Variants in FAM184A observed in about 807,000 individuals in gnomAD.
FAM184A encodes the protein family with sequence similarity 184 member A.
A neutral mutation model predicts 143.8 loss-of-function variants in FAM184A; 99 were observed. That is an observed-to-expected ratio of 0.69 (90% CI 0.58 to 0.81). The LOEUF (loss-of-function observed/expected upper bound fraction) is 0.81, where lower values mean the gene tolerates loss of function less well. FAM184A is among the 40% of genes least tolerant of loss of function. The pLI, the probability that FAM184A is intolerant of heterozygous loss-of-function variation, is 0.00. For synonymous variants in FAM184A, 427 were observed against 446.4 expected (o/e 0.96, Z 0.55); for missense variants, 1,217 against 1,310.5 (o/e 0.93, Z 1.10).
intron 9 of FAM184A, among the ~76,000 whole-genome samples, chr6:118,994,542 T>C (rs1784480409): frequency 1.3e-5 from 2 of 151,632 alleles, no homozygotes; most frequent in Non-Finnish European, 2.9e-5. Context: ...AAAAATCAGC[T>C]GGGCATGGTT....
At chr6:119,066,380 T>C (rs1309509866) in intron 1 of FAM184A, among the ~76,000 whole-genome samples, 1 of 152,220 alleles carries the variant, frequency 6.6e-6, no homozygotes, top group Non-Finnish European at 1.5e-5. Flanking sequence ...TGATTACAGT[T>C]GCCCATCCAA....
At chr6:118,970,008 A>ATATATATATATTT in intron 14 of FAM184A, among the ~76,000 whole-genome samples, 6 of 19,044 alleles carry the variant, frequency 3.2e-4, no homozygotes, top group African/African-American at 9.3e-4. Flanking sequence ...ATATATATAT[A>ATATATATATATTT]TTTTTTTTTT....
chr6:118,969,993 A>ATAATATATATATATAT (rs1189865476), intron 14 of FAM184A, among the ~76,000 whole-genome samples: 2 of 24,376 alleles, frequency 8.2e-5, no homozygotes, highest in African/African-American at 2.9e-4. Context: ...ATATATATAT[A>ATAATATATATATATAT]ATATATATAT....
At chr6:119,022,019 C>T (rs1785461758) in intron 3 of FAM184A, among the ~76,000 whole-genome samples, 1 of 150,342 alleles carries the variant, frequency 6.7e-6, no homozygotes, top group African/African-American at 2.4e-5. Context: ...AAGGACAACA[C>T]CTCTTGAAAA....
At chr6:119,002,276 G>A (rs559814518) in intron 9 of FAM184A, among the ~76,000 whole-genome samples, 4 of 152,236 alleles carry the variant, frequency 2.6e-5, no homozygotes, top group Admixed American at 2.6e-4. Flanking sequence ...TTAATGACTT[G>A]CTCTGCGGAA....
intron 9 of FAM184A, among the ~76,000 whole-genome samples, chr6:118,990,073 G>T (rs1784328040): frequency 6.6e-6 from 1 of 152,034 alleles, no homozygotes; most frequent in South Asian, 2.1e-4. Context: ...TGATCCGCTG[G>T]CCTCGGCCTC....
intron 1 of FAM184A, among the ~76,000 whole-genome samples, chr6:119,047,693 T>A (rs1315488498): frequency 6.6e-6 from 1 of 152,142 alleles, no homozygotes; most frequent in African/African-American, 2.4e-5. Context: ...ATTGATTCCC[T>A]GAACAGATCA....
rs553214060 is a variant in FAM184A at position 119,078,506 on chromosome 6, G to A, written c.-207C>T. ...GGCGGTCCCGCCGGCCCGAAGCCGC[G>A]GGGACAACGGCGCGGGGCAGATGCC... On this transcript the variant is annotated 5_prime_UTR_variant, in exon 1 of 18. Transcript: ENST00000338891. The surrounding 1 kb of genome is among the most constrained non-coding windows in gnomAD (Gnocchi z 5.5). 8 of 391,864 alleles carry A rather than the reference G, an allele frequency of 2.0e-5. No homozygotes were observed. In the South Asian group the frequency reaches 1.0e-3, roughly 49 times the overall value. The allele number at this position is 391,864 out of a possible 1,614,324, so 24.3% of individuals were successfully genotyped here.
intron 1 of FAM184A, among the ~76,000 whole-genome samples, chr6:119,072,153 C>T (rs867099466): frequency 1.3e-5 from 2 of 152,168 alleles, no homozygotes; most frequent in Non-Finnish European, 2.9e-5. Context: ...TGAGCCAGGG[C>T]ACCCAACCTA....
intron 1 of FAM184A, among the ~76,000 whole-genome samples, chr6:119,076,912 G>A (rs1787893002): frequency 6.6e-6 from 1 of 152,176 alleles, no homozygotes; most frequent in Non-Finnish European, 1.5e-5. Flanking sequence ...TTCTGAGACA[G>A]TGCTGAGATC....
At chr6:118,967,912 C>G (rs1783550540) in intron 14 of FAM184A, among the ~76,000 whole-genome samples, 1 of 152,172 alleles carries the variant, frequency 6.6e-6, no homozygotes, top group South Asian at 2.1e-4. Flanking sequence ...TTCCAGAAAT[C>G]AGTTATACAT....
At chr6:118,965,292 C>T (rs1783468811) in intron 15 of FAM184A, among the ~76,000 whole-genome samples, 1 of 149,420 alleles carries the variant, frequency 6.7e-6, no homozygotes, top group South Asian at 2.1e-4. Flanking sequence ...AAGCAATCCT[C>T]TGGCTTCGGC....
intron 5 of FAM184A, among the ~76,000 whole-genome samples, chr6:119,016,146 G>C (rs1241211639): frequency 6.6e-6 from 1 of 152,096 alleles, no homozygotes; most frequent in Non-Finnish European, 1.5e-5. Flanking sequence ...GAGAACCTTT[G>C]TATCTAGCTC....
intron 1 of FAM184A, among the ~76,000 whole-genome samples, chr6:119,045,475 C>T (rs117157718): frequency 0.022 from 3,274 of 152,164 alleles, 59 homozygotes; most frequent in Non-Finnish European, 0.032. Flanking sequence ...CTGAAAAATG[C>T]ATTTTGGCAT....
chr6:119,076,471 A>G (rs1157285316), intron 1 of FAM184A, among the ~76,000 whole-genome samples: 2 of 152,190 alleles, frequency 1.3e-5, no homozygotes, highest in African/African-American at 4.8e-5. Flanking sequence ...GCTTCCGATC[A>G]ATACACCTAC....
At chr6:118,978,934 A>G (rs767823401) in intron 11 of FAM184A, among the ~76,000 whole-genome samples, 1 of 152,228 alleles carries the variant, frequency 6.6e-6, no homozygotes, top group Non-Finnish European at 1.5e-5. Flanking sequence ...TAGAAATCTC[A>G]AAGAAATATA....
In FAM184A at chr6:119,062,149, G is replaced by C. The variant is rs546466598; in HGVS notation, c.159+15992C>G. 3.3e-5 allele frequency among the ~76,000 whole-genome samples: 5 copies of C among 152,240 alleles called. No individual in the cohort carries two copies. The East Asian group carries it at 9.6e-4, about 29-fold the overall frequency. On this transcript the variant is annotated intron_variant, in intron 1 of 17. Transcript: ENST00000338891. ...AGGGTTAGCCTTCTTACTTACAAAT[G>C]TATAACTTTGAAAAAGTTATTTTAA...
chr6:119,041,474 A>G (rs746822161), intron 1 of FAM184A, among the ~76,000 whole-genome samples: 3 of 152,230 alleles, frequency 2.0e-5, no homozygotes, highest in Non-Finnish European at 4.4e-5. Flanking sequence ...CCAATCATCT[A>G]TCGCCTGAGA....
At chr6:119,132,596 C>A (rs886544690) in intron 1 of FAM184A, among the ~76,000 whole-genome samples, 2 of 152,170 alleles carry the variant, frequency 1.3e-5, no homozygotes, top group Non-Finnish European at 2.9e-5. Context: ...TTTTAAAAAA[C>A]GTACTCATCT....
Sources: gnomAD v4.1 joint callset for allele counts (sites outside exome capture counted in the v4.1 genomes callset) on GRCh38, gnomAD v4.1.1 for gene constraint, Gnocchi (gnomAD v3.1) non-coding constraint, MANE v1.5 for transcripts, NCBI Gene and HGNC (gene_info 2026-07-23, HGNC 2026-07-21) for gene names.